Variants in STARD13 observed in about 807,000 individuals in gnomAD.
The protein encoded by STARD13 is StAR related lipid transfer domain containing 13, also known as stAR-related lipid transfer protein 13.
STARD13 carries 62 observed loss-of-function variants against 106.4 expected under a neutral mutation model. The observed-to-expected ratio is 0.58, with a 90% CI of 0.48 to 0.72. The LOEUF is 0.72. Ranked by LOEUF, STARD13 falls within the 30% of genes least tolerant of loss-of-function variation. The pLI is 0.00. For missense variants in STARD13, 1,387 were observed against 1,424.0 expected, an observed-to-expected ratio of 0.97 and a Z score of 0.42; for synonymous variants, 565 against 553.0, an observed-to-expected ratio of 1.02 and a Z score of -0.31.
intron 1 of STARD13, among the ~76,000 whole-genome samples, chr13:33,268,288 C>T (rs1890998773): frequency 6.6e-6 from 1 of 152,218 alleles, no homozygotes; most frequent in African/African-American, 2.4e-5. Context: ...TTTAAACACT[C>T]ATTTCAGATT....
At chr13:33,270,470 C>T (rs1482420322) in intron 1 of STARD13, among the ~76,000 whole-genome samples, 1 of 152,160 alleles carries the variant, frequency 6.6e-6, no homozygotes, top group Admixed American at 6.5e-5. Context: ...AGCACCACAC[C>T]TTCCATTTGA....
chr13:33,536,440 C>T, the STARD13 span, among the ~76,000 whole-genome samples: 1 of 152,102 alleles, frequency 6.6e-6, no homozygotes, highest in Non-Finnish European at 1.5e-5. Flanking sequence ...GTATTTGATT[C>T]TGAAATATAT....
chr13:33,239,766 G>A (rs963443832), intron 1 of STARD13, among the ~76,000 whole-genome samples: 3 of 152,038 alleles, frequency 2.0e-5, no homozygotes, highest in African/African-American at 7.2e-5. Flanking sequence ...TTGTTAAGTT[G>A]TAGAAGTTCT....
At chr13:33,431,190 A>T in the STARD13 span, among the ~76,000 whole-genome samples, 1 of 152,152 alleles carries the variant, frequency 6.6e-6, no homozygotes, top group Non-Finnish European at 1.5e-5. Flanking sequence ...TGTAACATGG[A>T]ACTGTGTATA....
At chr13:33,414,541 T>A in the STARD13 span, among the ~76,000 whole-genome samples, 2 of 152,062 alleles carry the variant, frequency 1.3e-5, no homozygotes, top group East Asian at 3.9e-4. Flanking sequence ...AAAGCCAATC[T>A]TAAAATGTTA....
In STARD13 at chr13:33,195,436, G is replaced by C. The variant is rs546051018; in HGVS notation, c.170-27814C>G. On this transcript the variant is annotated intron_variant, in intron 1 of 13. Transcript: ENST00000336934. ...GACCACATTTTTCTCTCAGGAGACT[G>C]TCCTGTAATTCACTGAATCATTGCT... is the stretch of plus-strand genomic sequence containing the variant. 3.9e-5 allele frequency among the ~76,000 whole-genome samples: 6 copies of C among 152,326 alleles called. 1 individual carries two copies. The highest frequency in any genetic ancestry group is 1.4e-4 in the African/African-American group (6 of 41,564).
chr13:33,588,623 A>G, the STARD13 span, among the ~76,000 whole-genome samples: 16 of 152,230 alleles, frequency 1.1e-4, no homozygotes, highest in African/African-American at 3.6e-4. Flanking sequence ...CTTTTTCAGT[A>G]CCATTGTCAT....
chr13:33,379,721 A>G, the STARD13 span, among the ~76,000 whole-genome samples: 1 of 152,254 alleles, frequency 6.6e-6, no homozygotes, highest in Non-Finnish European at 1.5e-5. Flanking sequence ...ACAGAGAACA[A>G]AACAGTTCAG....
chr13:33,402,834 T>G, the STARD13 span, among the ~76,000 whole-genome samples: 1 of 152,154 alleles, frequency 6.6e-6, no homozygotes, highest in Non-Finnish European at 1.5e-5. Flanking sequence ...CAGGGGAAGA[T>G]CATCCTCCCA....
downstream of STARD13, among the ~76,000 whole-genome samples, chr13:33,347,392 C>T (rs914847454): frequency 6.6e-6 from 1 of 152,104 alleles, no homozygotes; most frequent in African/African-American, 2.4e-5. Flanking sequence ...TGTGCCACCA[C>T]ACCTGGCTAA....
chr13:33,345,084 T>C (rs2078004009), downstream of STARD13, among the ~76,000 whole-genome samples: 1 of 152,206 alleles, frequency 6.6e-6, no homozygotes, highest in East Asian at 1.9e-4. Context: ...CCTGTCACTC[T>C]CCCACCTTGA....
intron 1 of STARD13, among the ~76,000 whole-genome samples, chr13:33,219,107 G>C (rs188222443): frequency 6.6e-4 from 100 of 152,248 alleles, no homozygotes; most frequent in Non-Finnish European, 1.0e-3. Context: ...AAGATGCTAA[G>C]GGGTGGATAA....
the STARD13 span, chr13:33,611,291 A>G: frequency 6.6e-6 from 1 of 152,392 alleles, no homozygotes; most frequent in African/African-American, 2.4e-5. Context: ...CCTCTCCCCC[A>G]GAATCAGGAG....
the STARD13 span, among the ~76,000 whole-genome samples, chr13:33,561,033 C>G: frequency 1.3e-5 from 2 of 151,488 alleles, no homozygotes; most frequent in Admixed American, 1.3e-4. Context: ...CCACTGTTGC[C>G]AGCATTGCAG....
intron 1 of STARD13, among the ~76,000 whole-genome samples, chr13:33,209,454 TCTC>T (rs1254923030): frequency 7.6e-6 from 1 of 130,724 alleles, no homozygotes; most frequent in Non-Finnish European, 1.7e-5. Context: ...TCTCTCTCTC[TCTC>T]TCTTTTTTTT....
At chr13:33,612,760 A>C in the STARD13 span, among the ~76,000 whole-genome samples, 1 of 152,146 alleles carries the variant, frequency 6.6e-6, no homozygotes, top group Non-Finnish European at 1.5e-5. Context: ...TAAACAGTTT[A>C]ATGTGTTGCA....
At chr13:33,593,147 A>G in the STARD13 span, among the ~76,000 whole-genome samples, 1 of 152,090 alleles carries the variant, frequency 6.6e-6, no homozygotes, top group South Asian at 2.1e-4. Context: ...GGAGTAGAAG[A>G]TGTGGAAGAT....
chr13:33,189,364 G>A (rs1424140340), intron 1 of STARD13, among the ~76,000 whole-genome samples: 9 of 144,406 alleles, frequency 6.2e-5, no homozygotes, highest in Non-Finnish European at 1.2e-4. Flanking sequence ...AAAGAAGCAG[G>A]AGGGCAGGAA....
At chr13:33,218,437 T>C (rs921947398) in intron 1 of STARD13, among the ~76,000 whole-genome samples, 1 of 152,342 alleles carries the variant, frequency 6.6e-6, no homozygotes, top group South Asian at 2.1e-4. Context: ...ACACTCTGCA[T>C]GTAAGTTCTT....
Sources: gnomAD v4.1 joint callset for allele counts (sites outside exome capture counted in the v4.1 genomes callset) on GRCh38, gnomAD v4.1.1 for gene constraint, MANE v1.5 for transcripts, NCBI Gene and HGNC (gene_info 2026-07-23, HGNC 2026-07-21) for gene names.